Variants in EIF2B3 observed in about 807,000 individuals in gnomAD.
The protein encoded by EIF2B3 is eukaryotic translation initiation factor 2B subunit gamma, also known as translation initiation factor eIF2B subunit gamma.
In EIF2B3, 20 loss-of-function variants were observed where a neutral mutation model predicts 54.1. The observed-to-expected ratio is 0.37, with a 90% CI of 0.26 to 0.54. The LOEUF is 0.54. EIF2B3 is among the 20% of genes least tolerant of loss of function. The pLI, the probability that EIF2B3 is intolerant of heterozygous loss-of-function variation, is 0.86. For missense variants in EIF2B3, 448 were observed against 547.8 expected (o/e 0.82, Z 1.82); for synonymous variants, 153 against 188.1 (o/e 0.81, Z 1.52).
intron 8 of EIF2B3, among the ~76,000 whole-genome samples, chr1:44,876,398 C>T (rs1655149294): frequency 6.9e-6 from 1 of 144,562 alleles, no homozygotes. Flanking sequence ...CTGGCCGCGA[C>T]CCTGTCTGGG....
At chr1:44,941,697 A>G in intron 3 of EIF2B3, 32 bp from the exon 4 acceptor site, 1 of 1,613,336 alleles carries the variant, frequency 6.2e-7, no homozygotes, top group African/African-American at 1.3e-5. Flanking sequence ...AGTCAATATC[A>G]TAAAGGACAA....
intron 3 of EIF2B3, among the ~76,000 whole-genome samples, chr1:44,947,073 T>C (rs1296496014): frequency 1.3e-5 from 2 of 152,234 alleles, no homozygotes; most frequent in African/African-American, 4.8e-5. Context: ...GCCAACAGTA[T>C]GCCTCTTCTG....
At chr1:44,862,679 G>A (rs908944007) in intron 10 of EIF2B3, among the ~76,000 whole-genome samples, 1 of 152,160 alleles carries the variant, frequency 6.6e-6, no homozygotes, top group Non-Finnish European at 1.5e-5. Context: ...GGACTGGAGT[G>A]CAGTGGCGCG....
intron 5 of EIF2B3, among the ~76,000 whole-genome samples, chr1:44,917,814 C>T (rs1643656905): frequency 8.3e-6 from 1 of 120,242 alleles, no homozygotes; most frequent in South Asian, 2.8e-4. Flanking sequence ...TCCTCTGTTG[C>T]CCAGGCTGGA....
chr1:44,914,751 C>A (rs1360739220), intron 5 of EIF2B3, among the ~76,000 whole-genome samples: 2 of 151,672 alleles, frequency 1.3e-5, no homozygotes, highest in African/African-American at 4.8e-5. Flanking sequence ...TGCAGTAGCA[C>A]GGTCTTGGCT....
Position 44,874,669 on chromosome 1 carries a change from G to A in EIF2B3, c.1202+9C>T, listed in dbSNP as rs1655062890. The A allele has an allele frequency of 6.2e-7, 1 of 1,613,886 alleles. No individual in the cohort carries two copies. The highest frequency in any genetic ancestry group is 8.5e-7 in the Non-Finnish European group (1 of 1,179,966). ...TCTTTGCCTCAAGTGGGTACAGGGG[G>A]AAACATACCCTTCCTCCACAGTGAC... is the stretch of plus-strand genomic sequence containing the variant. On this transcript the variant is annotated intron_variant, in intron 10 of 11. Transcript: ENST00000360403.
intron 5 of EIF2B3, among the ~76,000 whole-genome samples, chr1:44,918,931 G>T (rs1342518545): frequency 6.6e-6 from 1 of 152,126 alleles, no homozygotes; most frequent in East Asian, 1.9e-4. Flanking sequence ...TATAGAAAAG[G>T]ACGATTTCAC....
chr1:44,959,006 A>C (rs756466420), intron 3 of EIF2B3: 3 of 737,992 alleles, frequency 4.1e-6, no homozygotes, highest in Admixed American at 2.1e-5. Context: ...AGAAAGTGCT[A>C]GAAGAATACA....
intron 4 of EIF2B3, among the ~76,000 whole-genome samples, chr1:44,935,563 G>A (rs567291833): frequency 6.6e-6 from 1 of 152,246 alleles, no homozygotes; most frequent in African/African-American, 2.4e-5. Context: ...ACAGTGGCGT[G>A]ATCTTGGCTC....
intron 4 of EIF2B3, among the ~76,000 whole-genome samples, chr1:44,940,450 A>AG (rs1644007628): frequency 6.7e-6 from 1 of 148,164 alleles, no homozygotes; most frequent in African/African-American, 2.7e-5. Flanking sequence ...TAAGTATGTT[A>AG]TAATCCTAGG....
At chr1:44,942,300 T>C (rs968040462) in intron 3 of EIF2B3, among the ~76,000 whole-genome samples, 3 of 145,252 alleles carry the variant, frequency 2.1e-5, no homozygotes, top group Admixed American at 7.1e-5. Context: ...ACACAGTTGG[T>C]ATTTAATAAT....
intron 8 of EIF2B3, 90 bp downstream of exon 8, chr1:44,879,728 A>G: frequency 7.0e-7 from 1 of 1,436,038 alleles, no homozygotes; most frequent in Non-Finnish European, 9.8e-7. Flanking sequence ...GATTCTTAAC[A>G]AGTTACTATG....
At chr1:44,930,533 G>A (rs1386165281) in intron 4 of EIF2B3, among the ~76,000 whole-genome samples, 3 of 152,208 alleles carry the variant, frequency 2.0e-5, no homozygotes, top group African/African-American at 2.4e-5. Flanking sequence ...GTCATGCTTA[G>A]AACCTGCTGC....
At chr1:44,961,963 G>T (rs566879029) in intron 3 of EIF2B3, among the ~76,000 whole-genome samples, 1 of 151,932 alleles carries the variant, frequency 6.6e-6, no homozygotes, top group Non-Finnish European at 1.5e-5. Context: ...AGGCCAAGGC[G>T]GGTGGATCAC....
At chr1:44,892,504 C>T (rs1318448059) in intron 6 of EIF2B3, among the ~76,000 whole-genome samples, 1 of 151,906 alleles carries the variant, frequency 6.6e-6, no homozygotes, top group Non-Finnish European at 1.5e-5. Flanking sequence ...CACTTAAGCC[C>T]AGGAGGTGGA....
At chr1:44,980,500 T>C (rs1269884371) in intron 2 of EIF2B3, among the ~76,000 whole-genome samples, 1 of 151,938 alleles carries the variant, frequency 6.6e-6, no homozygotes, top group Non-Finnish European at 1.5e-5. Flanking sequence ...CTGTTCCTTG[T>C]CTCCTATTCC....
chr1:44,926,265 AAAC>A (rs1643848354), intron 5 of EIF2B3, among the ~76,000 whole-genome samples: 1 of 152,040 alleles, frequency 6.6e-6, no homozygotes, highest in African/African-American at 2.4e-5. Flanking sequence ...AAACCAAACC[AAAC>A]CAAAACAAAA....
chr1:44,953,113 A>G (rs1038408115), intron 3 of EIF2B3, among the ~76,000 whole-genome samples: 2 of 151,160 alleles, frequency 1.3e-5, no homozygotes, highest in African/African-American at 4.9e-5. Flanking sequence ...ATACAAAAAT[A>G]CCTACCTTAA....
intron 5 of EIF2B3, among the ~76,000 whole-genome samples, chr1:44,926,035 C>T (rs1643844817): frequency 6.6e-6 from 1 of 151,896 alleles, no homozygotes; most frequent in African/African-American, 2.4e-5. Flanking sequence ...AGAGACCAGC[C>T]TGGCCAACAT....
Sources: allele counts gnomAD v4.1 joint callset (sites outside exome capture counted in the v4.1 genomes callset), GRCh38; gene constraint gnomAD v4.1.1; transcripts MANE v1.5; gene names NCBI Gene and HGNC (gene_info 2026-07-23, HGNC 2026-07-21).